The following ATP8B4 variants were observed in gnomAD, a reference collection of about 807,000 sequenced individuals.
ATP8B4 encodes probable phospholipid-transporting ATPase IM.
ATP8B4 carries 133 observed loss-of-function variants against 145.6 expected under a neutral mutation model. That is an observed-to-expected ratio of 0.91 (90% CI 0.79 to 1.05). The LOEUF is 1.05. Among genes scored for constraint, ATP8B4 ranks in the 50% least tolerant of loss-of-function variants. The pLI is 0.00. For synonymous variants in ATP8B4, 507 were observed against 492.9 expected (o/e 1.03, Z -0.38); for missense variants, 1,458 against 1,425.2 (o/e 1.02, Z -0.37).
chr15:49,922,371 T>C, intron 17 of ATP8B4: 1 of 447,190 alleles, frequency 2.2e-6, no homozygotes, highest in South Asian at 1.6e-5. Flanking sequence ...AGTGTTGTGT[T>C]CATTAAAAAA....
In ATP8B4 at chr15:50,114,114, T is replaced by TTC. The variant is rs951546381; in HGVS notation, c.-43+5008_-43+5009insGA. 7.8e-5 allele frequency among the ~76,000 whole-genome samples: 11 copies of TTC among 140,320 alleles called. 1 individual carries two copies. Among genetic ancestry groups the TTC allele is most frequent in the African/African-American group, 2.6e-4 (10 of 38,704 alleles). 92.1% of individuals were successfully genotyped at this position (140,320 alleles called of 152,430 possible). A position where few individuals can be genotyped will look rare whatever the true frequency, so the allele number is the denominator to read the frequency against. ...TGGTCTCCTAGTTTCTTTTTTTTTT[T>TTC]TTTTTTTTTTTTTTAATTTTCATAG... is the stretch of plus-strand genomic sequence containing the variant. On this transcript the variant is annotated intron_variant, in intron 1 of 27. Transcript: ENST00000284509.
At chr15:50,167,925 T>C (rs541058177) in intron 1 of ATP8B4, among the ~76,000 whole-genome samples, 5 of 152,272 alleles carry the variant, frequency 3.3e-5, no homozygotes, top group African/African-American at 1.2e-4. Flanking sequence ...CGGTAGGCCA[T>C]AATTAAATCA....
intron 11 of ATP8B4, among the ~76,000 whole-genome samples, chr15:49,980,725 G>T (rs1262119892): frequency 6.6e-6 from 1 of 152,090 alleles, no homozygotes; most frequent in East Asian, 1.9e-4. Context: ...GAAAACGTGG[G>T]ACCTTCTGTC....
chr15:49,985,906 G>A (rs941019161), intron 10 of ATP8B4, among the ~76,000 whole-genome samples: 14 of 152,116 alleles, frequency 9.2e-5, no homozygotes, highest in African/African-American at 2.2e-4. Context: ...TAAAGCTTCC[G>A]AAGTTTAAGT....
At chr15:50,176,011 T>C (rs1171294243) in intron 1 of ATP8B4, among the ~76,000 whole-genome samples, 2 of 151,856 alleles carry the variant, frequency 1.3e-5, no homozygotes, top group Non-Finnish European at 1.5e-5. Flanking sequence ...TACATATGTA[T>C]CGCAGTATAT....
chr15:50,018,949 TA>T lies in ATP8B4; in HGVS notation c.363-8033del, dbSNP rs1253596637. The T allele has an allele frequency of 4.0e-6, 5 of 1,260,894 alleles. No individual in the cohort carries two copies. The African/African-American group carries it at 6.2e-5, about 16-fold the overall frequency. 78.1% of individuals were successfully genotyped at this position (1,260,894 alleles called of 1,614,324 possible). Reference sequence around the variant, plus strand: ...CAATTACCAGAGTACTTCCTGTCATTAAACCCTCAGCTTTGTACCTTCAGCA... The same window carrying T: ...CAATTACCAGAGTACTTCCTGTCATTAACCCTCAGCTTTGTACCTTCAGCA... On this transcript the variant is annotated intron_variant, in intron 6 of 27. Coordinates refer to ENST00000284509, the MANE Select transcript of ATP8B4 (RefSeq NM_024837.4).
chr15:50,072,053 TTAA>T (rs1308910592), intron 3 of ATP8B4, among the ~76,000 whole-genome samples: 10 of 151,108 alleles, frequency 6.6e-5, no homozygotes, highest in African/African-American at 1.7e-4. Context: ...TATTAATTAA[TTAA>T]TAATTGATTA....
chr15:49,951,384 C>G (rs1424380522), intron 14 of ATP8B4, among the ~76,000 whole-genome samples: 2 of 152,136 alleles, frequency 1.3e-5, no homozygotes, highest in African/African-American at 4.8e-5. Flanking sequence ...TGCTCCTGTA[C>G]TGGGTGCATA....
intron 26 of ATP8B4, among the ~76,000 whole-genome samples, chr15:49,865,189 G>A (rs919247063): frequency 6.6e-6 from 1 of 152,168 alleles, no homozygotes; most frequent in African/African-American, 2.4e-5. Context: ...TATCAGTCAT[G>A]CCTATATAAA....
At chr15:50,109,370 CA>C (rs2056833595) in intron 1 of ATP8B4, among the ~76,000 whole-genome samples, 1 of 151,944 alleles carries the variant, frequency 6.6e-6, no homozygotes, top group South Asian at 2.1e-4. Flanking sequence ...ACAAAATACT[CA>C]AAAAACAAAC....
chr15:50,088,879 T>C (rs573880468), intron 2 of ATP8B4, among the ~76,000 whole-genome samples: 1 of 152,296 alleles, frequency 6.6e-6, no homozygotes, highest in Admixed American at 6.5e-5. Context: ...GATAAATCAA[T>C]AAGTGAATGA....
intron 14 of ATP8B4, among the ~76,000 whole-genome samples, chr15:49,948,165 G>A (rs775474555): frequency 1.3e-4 from 20 of 151,892 alleles, no homozygotes; most frequent in Admixed American, 2.0e-4. Context: ...AGGACTGGGC[G>A]CAATGGCTTA....
intron 15 of ATP8B4, among the ~76,000 whole-genome samples, chr15:49,932,969 C>G (rs541212709): frequency 7.9e-5 from 12 of 152,144 alleles, no homozygotes; most frequent in African/African-American, 2.4e-4. Context: ...TGTAAACTTG[C>G]ATTCTGAATT....
At chr15:50,053,235 G>C (rs2052330133) in intron 3 of ATP8B4, among the ~76,000 whole-genome samples, 1 of 152,174 alleles carries the variant, frequency 6.6e-6, no homozygotes, top group African/African-American at 2.4e-5. Context: ...GGAAATCCAA[G>C]GTTCAGAGAG....
chr15:50,066,373 T>C (rs2053383451), intron 3 of ATP8B4, among the ~76,000 whole-genome samples: 1 of 152,106 alleles, frequency 6.6e-6, no homozygotes, highest in Non-Finnish European at 1.5e-5. Flanking sequence ...CAGAAACCCA[T>C]AACAAATGCA....
chr15:49,917,493 C>CAA (rs377254121), intron 19 of ATP8B4, among the ~76,000 whole-genome samples: 3 of 150,064 alleles, frequency 2.0e-5, no homozygotes, highest in African/African-American at 7.3e-5. Context: ...AGTTGAATGA[C>CAA]AAAAAAAAAT....
chr15:50,148,126 T>C (rs1187428077), intron 1 of ATP8B4, among the ~76,000 whole-genome samples: 1 of 152,146 alleles, frequency 6.6e-6, no homozygotes, highest in Admixed American at 6.5e-5. Flanking sequence ...TCTTTAGTGT[T>C]CCTGCCAAAC....
At chr15:49,920,453 T>C (rs2040157755) in intron 17 of ATP8B4, 43 bp from the exon 18 acceptor site, 2 of 1,550,604 alleles carry the variant, frequency 1.3e-6, no homozygotes, top group Non-Finnish European at 1.7e-6. Context: ...AAAGAAACAA[T>C]AAGCACAGAA....
At chr15:49,999,345 G>A (rs1162641982) in intron 8 of ATP8B4, among the ~76,000 whole-genome samples, 1 of 143,996 alleles carries the variant, frequency 6.9e-6, no homozygotes, top group Non-Finnish European at 1.5e-5. Flanking sequence ...GAGAACACAT[G>A]GACACAGGAA....
Sources: allele counts gnomAD v4.1 joint callset (sites outside exome capture counted in the v4.1 genomes callset), GRCh38; gene constraint gnomAD v4.1.1; transcripts MANE v1.5; gene names NCBI Gene and HGNC (gene_info 2026-07-23, HGNC 2026-07-21).